The following GARS1 variants were observed in gnomAD, a reference collection of about 807,000 sequenced individuals.
GARS1 encodes glycyl-tRNA synthetase 1, also known as glycine--tRNA ligase.
In GARS1, 46 loss-of-function variants were observed where a neutral mutation model predicts 86.4. That is an observed-to-expected ratio of 0.53 (90% CI 0.42 to 0.68). The LOEUF (loss-of-function observed/expected upper bound fraction) is 0.68. Among genes scored for constraint, GARS1 ranks in the 30% least tolerant of loss-of-function variants. GARS1 has a pLI of 0.00. For synonymous variants in GARS1, 342 were observed against 329.8 expected (o/e 1.04, Z -0.40); for missense variants, 797 against 915.6 (o/e 0.87, Z 1.67).
intron 12 of GARS1, 131 bp downstream of exon 12, chr7:30,622,593 C>G: frequency 9.4e-7 from 1 of 1,063,982 alleles, no homozygotes; most frequent in Non-Finnish European, 1.4e-6. Context: ...ATTTAAAAGA[C>G]TGTCTTTGCC....
At position 30,609,833 on chromosome 7, in the gene GARS1, T is replaced by C. The variant is rs1239141832; in HGVS notation, c.881+103T>C. 10 of 996,936 alleles carry C rather than the reference T, an allele frequency of 1.0e-5. No homozygotes were observed. The Admixed American group carries it at 1.6e-4, about 16-fold the overall frequency. The allele number at this position is 996,936 out of a possible 1,614,324, so 61.8% of individuals were successfully genotyped here. A position where few individuals can be genotyped will look rare whatever the true frequency, so the allele number is the denominator to read the frequency against. On this transcript the variant is annotated intron_variant, in intron 7 of 16. Transcript: ENST00000389266. ...TTATGAAGGAAAAATTTTTAAAAAG[T>C]GATATACAGAAGTACAGATGAATGT...
intron 13 of GARS1, among the ~76,000 whole-genome samples, chr7:30,627,344 C>G (rs1783148998): frequency 6.6e-6 from 1 of 152,174 alleles, no homozygotes; most frequent in Non-Finnish European, 1.5e-5. Flanking sequence ...TGGTTCAGAG[C>G]TGCACATCAC....
At chr7:30,613,057 C>A (rs1310047649) in intron 8 of GARS1, among the ~76,000 whole-genome samples, 1 of 152,176 alleles carries the variant, frequency 6.6e-6, no homozygotes, top group East Asian at 1.9e-4. Context: ...CATTTCCTGT[C>A]TTCTCTTCTT....
chr7:30,607,233 G>T (rs1156704948), intron 6 of GARS1, among the ~76,000 whole-genome samples: 2 of 151,926 alleles, frequency 1.3e-5, no homozygotes, highest in African/African-American at 4.8e-5. Context: ...CAGTATTCAG[G>T]GTTTCCTTTT....
chr7:30,613,330 A>G (rs911953461), intron 8 of GARS1, among the ~76,000 whole-genome samples: 3 of 152,244 alleles, frequency 2.0e-5, no homozygotes, highest in African/African-American at 7.2e-5. Flanking sequence ...GGAGGTCATC[A>G]GAAACTTTAG....
At chr7:30,602,940 G>A in intron 4 of GARS1, 94 bp from the exon 5 acceptor site, 1 of 881,286 alleles carries the variant, frequency 1.1e-6, no homozygotes, top group Non-Finnish European at 1.9e-6. Context: ...TCTTTGAGAT[G>A]GATATAAATA....
chr7:30,602,251 G>T (rs942779106), intron 4 of GARS1, among the ~76,000 whole-genome samples: 1 of 151,638 alleles, frequency 6.6e-6, no homozygotes, highest in East Asian at 1.9e-4. Context: ...ACCGTGCCTG[G>T]CTAATTTTTT....
chr7:30,607,926 A>G (rs1460268913), intron 6 of GARS1, among the ~76,000 whole-genome samples: 2 of 152,184 alleles, frequency 1.3e-5, no homozygotes, highest in East Asian at 1.9e-4. Context: ...TTCTAGATAA[A>G]TGGTTGCATT....
At chr7:30,620,128 C>CAAA (rs34149226) in intron 10 of GARS1, among the ~76,000 whole-genome samples, 1 of 147,982 alleles carries the variant, frequency 6.8e-6, no homozygotes, top group Non-Finnish European at 1.5e-5. Context: ...GGATCAAGGG[C>CAAA]AAAAAAAAAA....
chr7:30,595,167 C>T (rs1483103622), intron 1 of GARS1, 24 bp downstream of exon 1: 2 of 1,529,276 alleles, frequency 1.3e-6, no homozygotes, highest in Admixed American at 2.0e-5. Context: ...GCGCTCTCCG[C>T]TAAGCCTCCG....
intron 2 of GARS1, among the ~76,000 whole-genome samples, chr7:30,599,154 C>A (rs1425622460): frequency 2.6e-5 from 4 of 152,186 alleles, no homozygotes; most frequent in African/African-American, 9.7e-5. Flanking sequence ...TATGAATTTC[C>A]ATGGAAAGGA....
intron 13 of GARS1, among the ~76,000 whole-genome samples, 154 bp downstream of exon 13, chr7:30,626,473 C>T (rs1269374524): frequency 3.9e-5 from 6 of 152,176 alleles, no homozygotes; most frequent in Non-Finnish European, 5.9e-5. Flanking sequence ...TCTCAGCCTC[C>T]GAATTAGCTG....
intron 12 of GARS1, among the ~76,000 whole-genome samples, chr7:30,625,448 T>G: frequency 6.6e-6 from 1 of 152,280 alleles, no homozygotes; most frequent in East Asian, 1.9e-4. Context: ...AAAATACAGT[T>G]ATAACATATG....
rs1219464034 is a variant in GARS1 at position 30,595,009 on chromosome 7, C to T, written c.88C>T (p.Leu30Phe). 1.3e-6 allele frequency: 2 copies of T among 1,584,106 alleles called. No homozygotes were observed. Among genetic ancestry groups the T allele is most frequent in the African/African-American group, 1.3e-5 (1 of 74,744 alleles). ...LPPRLLARPSLLLRRSLSAAS... is the reference protein window; with the variant it reads ...LPPRLLARPSFLLRRSLSAAS... ...GCCCCGGCTCTTAGCCCGACCCTCG[C>T]TCCTGCTCCGCCGGTCCCTCAGCGC... Residue 30 changes from leucine (L) to phenylalanine (F), a missense_variant, in exon 1 of 17, where the codon CTC becomes TTC. Coordinates refer to ENST00000389266, the MANE Select transcript of GARS1 (RefSeq NM_002047.4).
At chr7:30,624,563 A>G (rs1046000400) in intron 12 of GARS1, among the ~76,000 whole-genome samples, 1 of 152,210 alleles carries the variant, frequency 6.6e-6, no homozygotes, top group African/African-American at 2.4e-5. Context: ...TTGAAGATAA[A>G]CTATGATAAG....
chr7:30,596,340 T>A (rs1231119920), intron 1 of GARS1, among the ~76,000 whole-genome samples: 1 of 152,356 alleles, frequency 6.6e-6, no homozygotes, highest in East Asian at 1.9e-4. Context: ...TCATGATTGG[T>A]GTCAGAACAC....
rs1791411808 is a variant in GARS1, at chr7:30,603,042, G to A, written c.578G>A (p.Gly193Asp). 1 of 1,613,078 alleles carries A rather than the reference G, an allele frequency of 6.2e-7. No homozygotes were observed. Among genetic ancestry groups the A allele is most frequent in the Non-Finnish European group, 8.5e-7 (1 of 1,179,172 alleles). ...LTPEPVLKTS[G>D]HVDKFADFMV... ...GGCATTTGTTAATTTAGGACCTCTG[G>A]CCATGTAGACAAATTTGCTGACTTC... Residue 193 changes from glycine (G) to aspartate (D), a missense_variant, in exon 5 of 17, where the codon GGC becomes GAC. Physicochemically the swap from Gly to Asp is moderately conservative, Grantham distance 94. Coordinates refer to ENST00000389266, the MANE Select transcript of GARS1 (RefSeq NM_002047.4).
chr7:30,602,913 A>G, intron 4 of GARS1, 121 bp from the exon 5 acceptor site: 2 of 757,490 alleles, frequency 2.6e-6, no homozygotes, highest in South Asian at 1.4e-5. Context: ...TCATTACTAT[A>G]GATATGGGAG....
Position 30,609,800 on chromosome 7 carries a change from T to C in GARS1, c.881+70T>C, listed in dbSNP as rs114018913. ...AAAATTGCTTATATTAAAAGGTAAA[T>C]ATCAATGTTATGAAGGAAAAATTTT... On this transcript the variant is annotated intron_variant, in intron 7 of 16. Transcript: ENST00000389266. 2,776 of 1,482,780 alleles carry C rather than the reference T, an allele frequency of 1.9e-3. 46 individuals are homozygous for C. The African/African-American group carries it at 0.034, about 18-fold the overall frequency. The allele number at this position is 1,482,780 out of a possible 1,614,324, so 91.9% of individuals were successfully genotyped here. A position where few individuals can be genotyped will look rare whatever the true frequency, so the allele number is the denominator to read the frequency against.
Sources: allele counts gnomAD v4.1 joint callset (sites outside exome capture counted in the v4.1 genomes callset), GRCh38; gene constraint gnomAD v4.1.1; transcripts MANE v1.5; gene names NCBI Gene and HGNC (gene_info 2026-07-23, HGNC 2026-07-21).